Variants in EFNA5 observed in about 807,000 individuals in gnomAD.
EFNA5 encodes ephrin A5.
In EFNA5, 5 loss-of-function variants were observed where a neutral mutation model predicts 22.9. The observed-to-expected ratio is 0.22, with a 90% CI of 0.11 to 0.46. The LOEUF (loss-of-function observed/expected upper bound fraction) is 0.46, where lower values mean the gene tolerates loss of function less well. Among genes scored for constraint, EFNA5 ranks in the 20% least tolerant of loss-of-function variants. The pLI is 0.99. For missense variants in EFNA5, 237 were observed against 293.3 expected, an observed-to-expected ratio of 0.81 and a Z score of 1.40; for synonymous variants, 113 against 112.2, an observed-to-expected ratio of 1.01 and a Z score of -0.04.
intron 1 of EFNA5, among the ~76,000 whole-genome samples, chr5:107,627,354 A>T (rs747424549): frequency 7.9e-5 from 12 of 152,216 alleles, no homozygotes; most frequent in Non-Finnish European, 1.2e-4. Context: ...CCTATATCAG[A>T]ACTATCTTCT....
At chr5:107,479,521 C>G (rs561746921) in intron 1 of EFNA5, among the ~76,000 whole-genome samples, 1 of 151,836 alleles carries the variant, frequency 6.6e-6, no homozygotes, top group African/African-American at 2.4e-5. Context: ...GATTTACTGT[C>G]GCTGTGGGTT....
chr5:107,583,248 C>T (rs1027974489), intron 1 of EFNA5, among the ~76,000 whole-genome samples: 2 of 152,022 alleles, frequency 1.3e-5, no homozygotes, highest in Non-Finnish European at 2.9e-5. Context: ...AATAGAGCAT[C>T]CTAAGAGAAT....
chr5:107,519,088 C>A (rs1020647663), intron 1 of EFNA5, among the ~76,000 whole-genome samples: 2 of 152,204 alleles, frequency 1.3e-5, no homozygotes, highest in Admixed American at 1.3e-4. Context: ...TGAAGATATT[C>A]CTCTTCCAGA....
chr5:107,441,687 C>T, intron 1 of EFNA5, among the ~76,000 whole-genome samples: 1 of 152,118 alleles, frequency 6.6e-6, no homozygotes, highest in Non-Finnish European at 1.5e-5. Context: ...ATAGCACTTT[C>T]TGGTAGAACA....
intron 1 of EFNA5, among the ~76,000 whole-genome samples, chr5:107,489,235 G>A (rs2112411147): frequency 6.6e-6 from 1 of 152,126 alleles, no homozygotes; most frequent in East Asian, 1.9e-4. Context: ...ATGCAGTAGG[G>A]CAATCTTGGC....
At chr5:107,570,806 A>C (rs1191371963) in intron 1 of EFNA5, among the ~76,000 whole-genome samples, 1 of 152,246 alleles carries the variant, frequency 6.6e-6, no homozygotes, top group Non-Finnish European at 1.5e-5. Flanking sequence ...AGAACCAATA[A>C]ATACCAGAGT....
At chr5:107,540,362 A>G (rs1748018974) in intron 1 of EFNA5, among the ~76,000 whole-genome samples, 1 of 152,218 alleles carries the variant, frequency 6.6e-6, no homozygotes, top group African/African-American at 2.4e-5. Flanking sequence ...AAAGAATACA[A>G]TATAAAAAGA....
intron 1 of EFNA5, among the ~76,000 whole-genome samples, chr5:107,612,432 C>T (rs1007115680): frequency 6.6e-6 from 1 of 152,008 alleles, no homozygotes; most frequent in African/African-American, 2.4e-5. Context: ...TTGCTAGAAA[C>T]TGCAATCATC....
intron 1 of EFNA5, among the ~76,000 whole-genome samples, chr5:107,546,346 C>A (rs1748153549): frequency 6.6e-6 from 1 of 152,154 alleles, no homozygotes; most frequent in Non-Finnish European, 1.5e-5. Context: ...AATCCATAAG[C>A]AGAAAGAGGC....
intron 1 of EFNA5, among the ~76,000 whole-genome samples, chr5:107,644,458 A>G (rs1440516922): frequency 6.6e-6 from 1 of 152,244 alleles, no homozygotes; most frequent in East Asian, 1.9e-4. Flanking sequence ...GAATAGGCTC[A>G]TTAAACAGAA....
intron 1 of EFNA5, among the ~76,000 whole-genome samples, chr5:107,505,463 T>C (rs904853415): frequency 6.6e-6 from 1 of 152,180 alleles, no homozygotes; most frequent in Admixed American, 6.5e-5. Context: ...CTGGAAATCA[T>C]AGTAGACAAG....
At chr5:107,452,472 T>A (rs1001231070) in intron 1 of EFNA5, among the ~76,000 whole-genome samples, 5 of 152,026 alleles carry the variant, frequency 3.3e-5, no homozygotes, top group African/African-American at 1.2e-4. Context: ...GCCTGTAATC[T>A]CAGCACTTCG....
intron 1 of EFNA5, among the ~76,000 whole-genome samples, chr5:107,611,980 T>C (rs996377611): frequency 2.0e-5 from 3 of 152,216 alleles, no homozygotes; most frequent in Non-Finnish European, 2.9e-5. Flanking sequence ...ATCTGCACAA[T>C]AATTTTGACA....
rs901162786 is a variant in EFNA5 at position 107,453,303 on chromosome 5, G to C, written c.126-25794C>G. Among the ~76,000 whole-genome samples, 34 of 152,112 alleles carry C rather than the reference G, an allele frequency of 2.2e-4. 1 individual carries two copies. Among genetic ancestry groups the C allele is most frequent in the African/African-American group, 7.9e-4 (33 of 41,530 alleles). On this transcript the variant is annotated intron_variant, in intron 1 of 4. Coordinates refer to ENST00000333274, the MANE Select transcript of EFNA5 (RefSeq NM_001962.3). ...AAACTTCCTATAGTTGGTAAAGTCA[G>C]ACAATGACCACCAGAATAATATAAT...
chr5:107,578,052 G>A (rs933186924), intron 1 of EFNA5, among the ~76,000 whole-genome samples: 6 of 152,070 alleles, frequency 3.9e-5, no homozygotes, highest in Non-Finnish European at 7.4e-5. Context: ...CTACTCTCTC[G>A]CCAAACAGCT....
intron 1 of EFNA5, among the ~76,000 whole-genome samples, chr5:107,626,861 C>T (rs961570426): frequency 6.6e-6 from 1 of 151,886 alleles, no homozygotes; most frequent in Non-Finnish European, 1.5e-5. Context: ...GTTGGTGGTG[C>T]CCTGAGCAAA....
At chr5:107,482,925 C>T (rs1039254219) in intron 1 of EFNA5, among the ~76,000 whole-genome samples, 2 of 150,558 alleles carry the variant, frequency 1.3e-5, no homozygotes, top group Non-Finnish European at 1.5e-5. Flanking sequence ...CACACACACA[C>T]ATACATATGA....
intron 1 of EFNA5, among the ~76,000 whole-genome samples, chr5:107,598,285 C>G (rs1039780216): frequency 1.3e-5 from 2 of 152,098 alleles, no homozygotes; most frequent in Non-Finnish European, 2.9e-5. Context: ...TACTGCAGTC[C>G]TGCCCTGAGT....
At chr5:107,639,708 C>T (rs2112543014) in intron 1 of EFNA5, among the ~76,000 whole-genome samples, 1 of 152,104 alleles carries the variant, frequency 6.6e-6, no homozygotes, top group African/African-American at 2.4e-5. Context: ...GCAAGCGTTA[C>T]CAATTATTAG....
Sources: gnomAD v4.1 joint callset for allele counts (sites outside exome capture counted in the v4.1 genomes callset) on GRCh38, gnomAD v4.1.1 for gene constraint, MANE v1.5 for transcripts, NCBI Gene and HGNC (gene_info 2026-07-23, HGNC 2026-07-21) for gene names.